The following SMC1A variants were observed in gnomAD, a reference collection of about 807,000 sequenced individuals.
The protein encoded by SMC1A is structural maintenance of chromosomes 1A.
In SMC1A, 4 loss-of-function variants were observed where a neutral mutation model predicts 94.5. That is an observed-to-expected ratio of 0.04 (90% confidence interval 0.02 to 0.10). SMC1A has a LOEUF of 0.10. SMC1A is among the 10% of genes least tolerant of loss of function. The pLI is 1.00. For missense variants in SMC1A, 304 were observed against 989.0 expected (o/e 0.31, Z 9.29); for synonymous variants, 345 against 347.7 (o/e 0.99, Z 0.09).
At chrX:53,383,512 G>A (rs782085146) in intron 19 of SMC1A, among the ~76,000 whole-genome samples, 21 of 112,104 alleles carry the variant, frequency 1.9e-4, no homozygotes, top group African/African-American at 5.5e-4. Context: ...CCTGCCAACC[G>A]CTTTGTCTCT....
intron 19 of SMC1A, among the ~76,000 whole-genome samples, chrX:53,385,372 G>A (rs1245383737): frequency 2.9e-5 from 3 of 104,369 alleles, no homozygotes; most frequent in Non-Finnish European, 3.9e-5. Context: ...CCAGTTTCAC[G>A]CCATTCTCCT....
chrX:53,386,195 T>TAA (rs1202799557), intron 19 of SMC1A, among the ~76,000 whole-genome samples: 1 of 106,031 alleles, frequency 9.4e-6, no homozygotes, highest in African/African-American at 3.4e-5. Context: ...AATAATATTG[T>TAA]AAAAAAAAAA....
At chrX:53,407,354 C>A (rs1309239527) in intron 9 of SMC1A, among the ~76,000 whole-genome samples, 5 of 112,176 alleles carry the variant, frequency 4.5e-5, no homozygotes, top group Non-Finnish European at 1.9e-5. Flanking sequence ...CATAATGAAG[C>A]CCCTGTGTGG....
Position 53,409,549 on chromosome X carries a change from C to T in SMC1A, c.1255-46G>A, listed in dbSNP as rs190155998. 4 of 1,042,068 alleles carry T rather than the reference C, an allele frequency of 3.8e-6. No homozygotes were observed. The Admixed American group carries it at 8.8e-5, about 23-fold the overall frequency. The allele number at this position is 1,042,068 out of a possible 1,213,427, so 85.9% of individuals were successfully genotyped here. A position where few individuals can be genotyped will look rare whatever the true frequency, so the allele number is the denominator to read the frequency against. ...CATCAGGGGCTGCACGAGTTTACGCCAAGACCATGGGGGCTCTAGATCACA... is the reference window on the plus strand; with the variant it reads ...CATCAGGGGCTGCACGAGTTTACGCTAAGACCATGGGGGCTCTAGATCACA... On this transcript the variant is annotated intron_variant, in intron 7 of 24. Transcript: ENST00000322213.
chrX:53,379,736 TACTC>T lies in SMC1A; in HGVS notation c.*363_*366del, dbSNP rs1229556483. ...AATATCCTTTATTATTTTGCAAACA[TACTC>T]ACATGCACACATGCGGATACATACA... is the stretch of plus-strand genomic sequence containing the variant. On this transcript the variant is annotated 3_prime_UTR_variant, in exon 25 of 25. Transcript: ENST00000322213. 6.6e-5 allele frequency: 15 copies of T among 228,531 alleles called. No homozygotes were observed. The highest frequency in any genetic ancestry group is 1.2e-4 in the South Asian group (1 of 8,183). The allele number at this position is 228,531 out of a possible 1,213,427, so 18.8% of individuals were successfully genotyped here.
chrX:53,411,904 G>T lies in SMC1A; in HGVS notation c.1114-3C>A. On this transcript the variant is annotated splice_polypyrimidine_tract_variant and splice_region_variant and intron_variant, in intron 6 of 24. Transcript: ENST00000322213. The stretch of plus-strand genomic sequence containing the variant: ...TTCAACCGGTGGTATTTCTTCACCT[G>T]TGTTAGGGACAGGGAAGGAGAACAG... 8.3e-7 allele frequency: 1 copy of T among 1,211,396 alleles called. No homozygotes were observed. Among genetic ancestry groups the T allele is most frequent in the Non-Finnish European group, 1.1e-6 (1 of 895,401 alleles).
At chrX:53,399,501 G>T in intron 16 of SMC1A, 88 bp downstream of exon 16, 1 of 921,067 alleles carries the variant, frequency 1.1e-6, no homozygotes, top group Non-Finnish European at 1.6e-6. Context: ...AAATTTCTAA[G>T]TTGTGGACAT....
At chrX:53,382,145 G>A (rs1405277566) in intron 22 of SMC1A, 87 bp downstream of exon 22, 3 of 1,043,679 alleles carry the variant, frequency 2.9e-6, no homozygotes, top group South Asian at 3.8e-5. Context: ...CATCACCTTC[G>A]CAGATCTCTG....
intron 1 of SMC1A, chrX:53,422,077 C>A: frequency 8.5e-7 from 1 of 1,181,980 alleles, no homozygotes; most frequent in Non-Finnish European, 1.1e-6. Flanking sequence ...CCGAAGGCCA[C>A]GGGAGAGCTA....
In SMC1A at chrX:53,375,467, T is replaced by C. The variant is rs2075556410; in HGVS notation, c.*4636A>G. 1 of 111,614 alleles carries C rather than the reference T, an allele frequency of 9.0e-6. No individual in the cohort carries two copies. Among genetic ancestry groups the C allele is most frequent in the South Asian group, 3.8e-4 (1 of 2,648 alleles). 9.2% of individuals were successfully genotyped at this position (111,614 alleles called of 1,213,427 possible). On this transcript the variant is annotated 3_prime_UTR_variant, in exon 25 of 25. Coordinates refer to ENST00000322213, the MANE Select transcript of SMC1A (RefSeq NM_006306.4). ...TTCTGGGTATCTCACTATAAGTTAT[T>C]GTATAAGAGATGTGACTCTTACCTG... is the stretch of plus-strand genomic sequence containing the variant.
chrX:53,399,568 T>C, intron 16 of SMC1A, 21 bp downstream of exon 16: 1 of 1,198,870 alleles, frequency 8.3e-7, no homozygotes, highest in African/African-American at 1.7e-5. Context: ...TAGTCTGTCT[T>C]TTAATTCTTT....
In SMC1A at chrX:53,396,213, G is replaced by A. The variant is rs180705944; in HGVS notation, c.2862+14C>T. 7.9e-5 allele frequency: 95 copies of A among 1,206,293 alleles called. No homozygotes were observed. In the African/African-American group the frequency reaches 1.4e-3, roughly 18 times the overall value. ...TGTTCATCGCCCACTCCCACCACCA[G>A]CCACAATACTCACCTCTTCCTGACT... On this transcript the variant is annotated intron_variant, in intron 18 of 24. Coordinates refer to ENST00000322213, the MANE Select transcript of SMC1A (RefSeq NM_006306.4).
At chrX:53,396,128 C>A in intron 18 of SMC1A, 99 bp downstream of exon 18, 4 of 975,832 alleles carry the variant, frequency 4.1e-6, no homozygotes, top group South Asian at 1.9e-5. Flanking sequence ...ATCTGCCCAC[C>A]ATCTTTCTCT....
intron 1 of SMC1A, among the ~76,000 whole-genome samples, chrX:53,417,153 G>A (rs2075735349): frequency 9.0e-6 from 1 of 111,589 alleles, no homozygotes; most frequent in African/African-American, 3.3e-5. Flanking sequence ...ATACAATATA[G>A]AGGAACATAG....
intron 15 of SMC1A, among the ~76,000 whole-genome samples, chrX:53,402,974 C>G (rs1556889146): frequency 6.0e-5 from 6 of 100,254 alleles, no homozygotes; most frequent in Non-Finnish European, 1.0e-4. Context: ...TCAAGACGAG[C>G]CTGGGCAATG....
chrX:53,410,941 A>AAAAAAAAAAAAAAAAAAAAAAT (rs2075709798), intron 7 of SMC1A, among the ~76,000 whole-genome samples: 1 of 92,961 alleles, frequency 1.1e-5, no homozygotes, highest in Non-Finnish European at 2.1e-5. Flanking sequence ...AAAAAAAAAA[A>AAAAAAAAAAAAAAAAAAAAAAT]AAAAGTAGCC....
intron 7 of SMC1A, among the ~76,000 whole-genome samples, chrX:53,411,053 C>G (rs910140598): frequency 5.5e-5 from 6 of 108,378 alleles, no homozygotes; most frequent in African/African-American, 1.7e-4. Flanking sequence ...CATGGTCGCA[C>G]CACTGCACCT....
chrX:53,414,692 G>A, intron 3 of SMC1A, 66 bp downstream of exon 3: 1 of 686,077 alleles, frequency 1.5e-6, no homozygotes, highest in Non-Finnish European at 2.4e-6. Flanking sequence ...AGATGGAGCA[G>A]ACAGAGTGGG....
At chrX:53,417,035 C>T (rs2075734832) in intron 1 of SMC1A, among the ~76,000 whole-genome samples, 1 of 108,700 alleles carries the variant, frequency 9.2e-6, no homozygotes, top group East Asian at 3.0e-4. Flanking sequence ...ATCCTCCCGC[C>T]GTGGCCTCCC....
Sources: gnomAD v4.1 joint callset for allele counts (sites outside exome capture counted in the v4.1 genomes callset) on GRCh38, gnomAD v4.1.1 for gene constraint, MANE v1.5 for transcripts, NCBI Gene and HGNC (gene_info 2026-07-23, HGNC 2026-07-21) for gene names.